Variants in IL22RA2 observed in about 807,000 individuals in gnomAD.
IL22RA2 encodes the protein interleukin 22 receptor subunit alpha 2.
IL22RA2 carries 39 observed loss-of-function variants against 30.7 expected under a neutral mutation model. That is an observed-to-expected ratio of 1.27 (90% CI 0.98 to 1.66). The LOEUF is 1.66. IL22RA2 is among the 40% of genes most tolerant of loss of function. The pLI is 0.00. For missense variants in IL22RA2, 315 were observed against 312.7 expected (o/e 1.01, Z -0.05); for synonymous variants, 103 against 105.0 (o/e 0.98, Z 0.11).
At chr6:137,159,107 C>G (rs1012636748) in intron 2 of IL22RA2, among the ~76,000 whole-genome samples, 5 of 152,146 alleles carry the variant, frequency 3.3e-5, no homozygotes, top group African/African-American at 9.7e-5. Flanking sequence ...CAAGACCCTG[C>G]TGGGGGGTAG....
intron 1 of IL22RA2, among the ~76,000 whole-genome samples, chr6:137,164,568 C>G (rs1345858382): frequency 6.6e-6 from 1 of 152,250 alleles, no homozygotes; most frequent in Non-Finnish European, 1.5e-5. Context: ...AATTTATCCA[C>G]CTCTGGCAAA....
Position 137,158,491 on chromosome 6 carries a change from A to C in IL22RA2, c.62-9T>G. ...ATGCGTTGACTGAGTTCCTAAGATA[A>C]TAAGAGAAGGAAGAACATTGAACGT... is the stretch of plus-strand genomic sequence containing the variant. On this transcript the variant is annotated splice_polypyrimidine_tract_variant and intron_variant, in intron 2 of 6. Transcript: ENST00000296980. The C allele has an allele frequency of 6.2e-7, 1 of 1,613,874 alleles. No individual in the cohort carries two copies. The highest frequency in any genetic ancestry group is 1.1e-5 in the South Asian group (1 of 91,086).
intron 6 of IL22RA2, among the ~76,000 whole-genome samples, chr6:137,146,375 C>T (rs1262759231): frequency 1.3e-5 from 2 of 152,058 alleles, no homozygotes; most frequent in African/African-American, 2.4e-5. Context: ...TGATGTGCAG[C>T]GAGATGAGCA....
chr6:137,158,770 C>T (rs750069748), intron 2 of IL22RA2, among the ~76,000 whole-genome samples: 1 of 152,142 alleles, frequency 6.6e-6, no homozygotes, highest in Non-Finnish European at 1.5e-5. Context: ...AAAAATATTG[C>T]TCTTATTTTG....
intron 1 of IL22RA2, among the ~76,000 whole-genome samples, chr6:137,167,467 G>A (rs1778647481): frequency 6.6e-6 from 1 of 152,224 alleles, no homozygotes; most frequent in South Asian, 2.1e-4. Flanking sequence ...CAAGCCTTAG[G>A]TGAGGTCTCG....
intron 1 of IL22RA2, among the ~76,000 whole-genome samples, chr6:137,169,597 A>G (rs745549851): frequency 1.5e-4 from 23 of 152,232 alleles, no homozygotes; most frequent in Non-Finnish European, 2.8e-4. Context: ...GGACATTGAA[A>G]TAGGGGGCTG....
chr6:137,145,869 C>A, intron 6 of IL22RA2, 96 bp from the exon 7 acceptor site: 1 of 1,277,072 alleles, frequency 7.8e-7, no homozygotes, highest in Non-Finnish European at 1.1e-6. Flanking sequence ...ATGGTCACAG[C>A]AGTAGATGGG....
intron 5 of IL22RA2, among the ~76,000 whole-genome samples, chr6:137,153,148 A>G (rs1778325394): frequency 6.6e-6 from 1 of 152,198 alleles, no homozygotes; most frequent in Admixed American, 6.5e-5. Flanking sequence ...ACATACACCC[A>G]TAGATGTAGT....
intron 3 of IL22RA2, among the ~76,000 whole-genome samples, chr6:137,157,617 A>G (rs944445399): frequency 5.3e-5 from 8 of 152,134 alleles, no homozygotes; most frequent in African/African-American, 1.9e-4. Context: ...AAAAACCATG[A>G]AAGCTAAACT....
intron 1 of IL22RA2, among the ~76,000 whole-genome samples, chr6:137,170,019 C>T (rs929976984): frequency 2.0e-5 from 3 of 152,194 alleles, no homozygotes; most frequent in Admixed American, 6.5e-5. Context: ...TAATACTAGG[C>T]TTTGTGGCCA....
intron 5 of IL22RA2, among the ~76,000 whole-genome samples, chr6:137,152,815 T>G (rs1211105646): frequency 6.6e-6 from 1 of 152,206 alleles, no homozygotes; most frequent in Non-Finnish European, 1.5e-5. Flanking sequence ...ACAAAATAGT[T>G]GCATGATGGA....
At chr6:137,160,815 T>A (rs1212377029) in intron 2 of IL22RA2, among the ~76,000 whole-genome samples, 2 of 152,202 alleles carry the variant, frequency 1.3e-5, no homozygotes, top group Non-Finnish European at 2.9e-5. Context: ...CCAGGAACAT[T>A]TTGGTAGCAT....
At chr6:137,153,263 A>AATATACAAATATATATC (rs1778329214) in intron 5 of IL22RA2, among the ~76,000 whole-genome samples, 1 of 152,164 alleles carries the variant, frequency 6.6e-6, no homozygotes, top group African/African-American at 2.4e-5. Flanking sequence ...CCATAGGACA[A>AATATACAAATATATATC]ATATATATCA....
rs551978980 is a variant in IL22RA2 at position 137,156,863 on chromosome 6, G to A, written c.198-9C>T. ...TGCTGCATGAGAACATGCTAGAGAA[G>A]GTCAATGGGGAAAACAGATCGTGTG... On this transcript the variant is annotated splice_polypyrimidine_tract_variant and intron_variant, in intron 3 of 6. Transcript: ENST00000296980. 3.7e-6 allele frequency: 6 copies of A among 1,606,206 alleles called. No individual in the cohort carries two copies. The South Asian group carries it at 5.5e-5, about 15-fold the overall frequency.
intron 1 of IL22RA2, among the ~76,000 whole-genome samples, chr6:137,170,986 G>T (rs1202214131): frequency 6.6e-6 from 1 of 152,102 alleles, no homozygotes; most frequent in Non-Finnish European, 1.5e-5. Context: ...AGGTTTTTTT[G>T]TTGTTGTTAA....
chr6:137,159,389 C>G (rs1168905594), intron 2 of IL22RA2, among the ~76,000 whole-genome samples: 3 of 151,952 alleles, frequency 2.0e-5, no homozygotes, highest in Admixed American at 2.0e-4. Context: ...GGCGTGATCT[C>G]AGCTCACTGC....
chr6:137,154,796 C>A, intron 5 of IL22RA2, 145 bp downstream of exon 5: 1 of 653,584 alleles, frequency 1.5e-6, no homozygotes, highest in Admixed American at 2.8e-5. Flanking sequence ...TAAAAGCTAT[C>A]TCCTAGAGTT....
At chr6:137,147,373 T>A (rs923751637) in intron 6 of IL22RA2, among the ~76,000 whole-genome samples, 46 of 145,890 alleles carry the variant, frequency 3.2e-4, no homozygotes, top group Admixed American at 1.0e-3. Context: ...ATAAAATACA[T>A]AATAAATAAA....
intron 1 of IL22RA2, among the ~76,000 whole-genome samples, chr6:137,170,933 T>C (rs1391787603): frequency 6.6e-6 from 1 of 152,238 alleles, no homozygotes; most frequent in Non-Finnish European, 1.5e-5. Flanking sequence ...CATGGCAGAT[T>C]AGCATCTAAA....
Sources: gnomAD v4.1 joint callset for allele counts (sites outside exome capture counted in the v4.1 genomes callset) on GRCh38, gnomAD v4.1.1 for gene constraint, MANE v1.5 for transcripts, NCBI Gene and HGNC (gene_info 2026-07-23, HGNC 2026-07-21) for gene names.